The following SHTN1 variants were observed in gnomAD, a reference collection of about 807,000 sequenced individuals.
The protein encoded by SHTN1 is shootin-1.
A neutral mutation model predicts 83.1 loss-of-function variants in SHTN1; 42 were observed. That is an observed-to-expected ratio of 0.51 (90% confidence interval 0.39 to 0.65). The LOEUF (loss-of-function observed/expected upper bound fraction) is 0.65, where lower values mean the gene tolerates loss of function less well. Ranked by LOEUF, SHTN1 falls within the 30% of genes least tolerant of loss-of-function variation. The pLI is 0.00. For missense variants in SHTN1, 622 were observed against 737.8 expected, an observed-to-expected ratio of 0.84 and a Z score of 1.82; for synonymous variants, 224 against 247.7, an observed-to-expected ratio of 0.90 and a Z score of 0.90.
intron 1 of SHTN1, among the ~76,000 whole-genome samples, chr10:117,085,828 TA>T (rs1340819459): frequency 1.3e-5 from 2 of 151,846 alleles, no homozygotes; most frequent in Non-Finnish European, 1.5e-5. Flanking sequence ...TTAAAATTGT[TA>T]TTTTTTTTGC....
At chr10:116,931,417 T>G (rs890271452) in intron 9 of SHTN1, among the ~76,000 whole-genome samples, 2 of 151,972 alleles carry the variant, frequency 1.3e-5, no homozygotes, top group Non-Finnish European at 2.9e-5. Context: ...CCCGGCTAAT[T>G]TTTGTATTTT....
At chr10:116,899,659 C>A (rs1564865213) in intron 16 of SHTN1, among the ~76,000 whole-genome samples, 1 of 152,108 alleles carries the variant, frequency 6.6e-6, no homozygotes, top group African/African-American at 2.4e-5. Context: ...GCGCCACTCA[C>A]GTGAAACACT....
intron 14 of SHTN1, among the ~76,000 whole-genome samples, chr10:116,909,084 C>G (rs1421658564): frequency 6.6e-6 from 1 of 152,174 alleles, no homozygotes; most frequent in East Asian, 1.9e-4. Context: ...AACTTAGAAA[C>G]TGTGGTACAT....
At chr10:117,001,211 C>G (rs1344931930) in intron 1 of SHTN1, among the ~76,000 whole-genome samples, 1 of 151,964 alleles carries the variant, frequency 6.6e-6, no homozygotes, top group African/African-American at 2.4e-5. Flanking sequence ...ACCTCAACAT[C>G]TGCTTGAACA....
At chr10:117,125,522 C>A (rs1203768875) in intron 1 of SHTN1, among the ~76,000 whole-genome samples, 1 of 152,100 alleles carries the variant, frequency 6.6e-6, no homozygotes, top group Non-Finnish European at 1.5e-5. Flanking sequence ...CATCGTTACC[C>A]TGCCCAAAAC....
chr10:116,982,922 C>G (rs1008972455), intron 1 of SHTN1, among the ~76,000 whole-genome samples: 2 of 151,740 alleles, frequency 1.3e-5, no homozygotes, highest in Admixed American at 1.3e-4. Context: ...GAGATCATAC[C>G]ACTGCACTCC....
Position 116,884,050 on chromosome 10 carries a change from C to T in SHTN1, c.*2294G>A. ...AAGAAAAAAAATCCTCTATAGCGCA[C>T]AAGACTTAATTTATCTTTCCCAAAC... On this transcript the variant is annotated 3_prime_UTR_variant, in exon 17 of 17. Transcript: ENST00000355371. 3.2e-6 allele frequency: 1 copy of T among 311,626 alleles called. No individual in the cohort carries two copies. The highest frequency in any genetic ancestry group is 2.6e-5 in the South Asian group (1 of 38,318). The allele number at this position is 311,626 out of a possible 1,614,324, so 19.3% of individuals were successfully genotyped here.
chr10:117,096,212 TAAAAC>T (rs950922815), intron 1 of SHTN1, among the ~76,000 whole-genome samples: 1 of 152,194 alleles, frequency 6.6e-6, no homozygotes, highest in Non-Finnish European at 1.5e-5. Flanking sequence ...GTGCTTAAAA[TAAAAC>T]AAAAGTAACT....
At chr10:117,061,188 T>A (rs1235376379) in intron 1 of SHTN1, among the ~76,000 whole-genome samples, 8 of 145,310 alleles carry the variant, frequency 5.5e-5, no homozygotes, top group African/African-American at 1.5e-4. Flanking sequence ...GCTGTGTCAC[T>A]CAGGCTGGAG....
At chr10:117,002,608 C>A (rs563275634) in intron 1 of SHTN1, among the ~76,000 whole-genome samples, 55 of 152,244 alleles carry the variant, frequency 3.6e-4, no homozygotes, top group Non-Finnish European at 7.1e-4. Flanking sequence ...CTGTTAAATG[C>A]TCAAAGACCC....
In SHTN1 at chr10:116,886,484, A is replaced by G; in HGVS notation, c.1756T>C (p.Ser586Pro). 6.2e-7 allele frequency: 1 copy of G among 1,614,168 alleles called. No homozygotes were observed. Among genetic ancestry groups the G allele is most frequent in the Non-Finnish European group, 8.5e-7 (1 of 1,180,018 alleles). Residue 586 changes from serine (S) to proline (P), a missense_variant, in exon 17 of 17, where the codon TCT (serine) becomes CCT (proline). This residue lies in a region of SHTN1 where 231 missense variants were observed against 251.6 expected (regional missense o/e 0.92). Transcript: ENST00000355371. ...TCTTTGGTTTGGGGTTCATGTGTAG[A>G]AACAGGATCTAAAACTACAACTGGT... Reference protein sequence around the residue: ...AEPVVVLDPVSTHEPQTKDQV... With the variant: ...AEPVVVLDPVPTHEPQTKDQV...
In SHTN1 at chr10:116,882,431, C is replaced by T. The variant is rs1336287876; in HGVS notation, c.*3913G>A. 1.3e-3 allele frequency: 2 copies of T among 1,546 alleles called. No homozygotes were observed. Among genetic ancestry groups the T allele is most frequent in the Non-Finnish European group, 2.3e-3 (2 of 884 alleles). The allele number at this position is 1,546 out of a possible 1,614,324, so 0.1% of individuals were successfully genotyped here. A position where few individuals can be genotyped will look rare whatever the true frequency, so the allele number is the denominator to read the frequency against. The stretch of plus-strand genomic sequence containing the variant: ...AAAAAAAAAAATGATGTGACATATC[C>T]ATTGCCTGAATTGCTCTTTTGTAAG... On this transcript the variant is annotated 3_prime_UTR_variant, in exon 17 of 17. Coordinates refer to ENST00000355371, the MANE Select transcript of SHTN1 (RefSeq NM_001127211.3).
At chr10:116,890,336 G>A (rs1289662251) in intron 16 of SHTN1, among the ~76,000 whole-genome samples, 1 of 152,178 alleles carries the variant, frequency 6.6e-6, no homozygotes, top group Non-Finnish European at 1.5e-5. Context: ...ATCATGGGAT[G>A]CTTGGGCTGA....
chr10:116,933,330 C>T (rs1446007629), intron 9 of SHTN1, among the ~76,000 whole-genome samples: 1 of 151,950 alleles, frequency 6.6e-6, no homozygotes, highest in Non-Finnish European at 1.5e-5. Context: ...CCCCCACCCC[C>T]CGACAGGCCC....
chr10:117,004,501 A>T (rs924865605), intron 1 of SHTN1, among the ~76,000 whole-genome samples: 1 of 150,526 alleles, frequency 6.6e-6, no homozygotes, highest in East Asian at 1.9e-4. Context: ...AGAAGTGATT[A>T]AAAAAAAAAT....
At chr10:116,933,060 T>A (rs1849027104) in intron 9 of SHTN1, among the ~76,000 whole-genome samples, 1 of 152,114 alleles carries the variant, frequency 6.6e-6, no homozygotes, top group South Asian at 2.1e-4. Flanking sequence ...ATGAAATTCT[T>A]TCCCTCCCAC....
intron 1 of SHTN1, among the ~76,000 whole-genome samples, chr10:117,118,471 A>C (rs1853882174): frequency 6.6e-6 from 1 of 152,142 alleles, no homozygotes; most frequent in Non-Finnish European, 1.5e-5. Flanking sequence ...TAGTATAGTC[A>C]CTATGAAAAA....
intron 1 of SHTN1, among the ~76,000 whole-genome samples, chr10:117,055,553 T>C (rs1008662102): frequency 2.0e-5 from 3 of 148,596 alleles, no homozygotes; most frequent in Admixed American, 1.4e-4. Context: ...GTGTACTAAA[T>C]GCTACTGAAA....
intron 9 of SHTN1, among the ~76,000 whole-genome samples, chr10:116,934,715 G>A (rs1054982619): frequency 2.6e-5 from 4 of 152,138 alleles, no homozygotes; most frequent in Admixed American, 2.0e-4. Flanking sequence ...GAAAGTCAAT[G>A]GTAGCTTGAT....
Sources: gnomAD v4.1 joint callset for allele counts (sites outside exome capture counted in the v4.1 genomes callset) on GRCh38, gnomAD v4.1.1 for gene constraint, gnomAD v4.1.1 regional missense constraint, MANE v1.5 for transcripts, NCBI Gene and HGNC (gene_info 2026-07-23, HGNC 2026-07-21) for gene names.